The following ARMC10 variants were observed in gnomAD, a reference collection of about 807,000 sequenced individuals.
ARMC10 encodes armadillo repeat containing 10, also known as armadillo repeat-containing protein 10.
In ARMC10, 23 loss-of-function variants were observed where a neutral mutation model predicts 30.2. That is an observed-to-expected ratio of 0.76 (90% CI 0.55 to 1.08). The LOEUF is 1.08. ARMC10 is among the 50% of genes least tolerant of loss of function. The pLI is 0.00. For missense variants in ARMC10, 303 were observed against 413.7 expected, an observed-to-expected ratio of 0.73 and a Z score of 2.32; for synonymous variants, 111 against 164.4, an observed-to-expected ratio of 0.68 and a Z score of 2.48.
Position 103,075,423 on chromosome 7 carries a change from G to T in ARMC10, c.139+12G>T. ...TTCGAAGTCCGCAGGTGGGACCCCGGGGTTTCCGGCAGGTGGGCGGGGACT... is the reference window on the plus strand; with the variant it reads ...TTCGAAGTCCGCAGGTGGGACCCCGTGGTTTCCGGCAGGTGGGCGGGGACT... On this transcript the variant is annotated intron_variant, in intron 1 of 6. Coordinates refer to ENST00000323716, the MANE Select transcript of ARMC10 (RefSeq NM_031905.5). 1 of 1,290,264 alleles carries T rather than the reference G, an allele frequency of 7.8e-7. No individual in the cohort carries two copies. The highest frequency in any genetic ancestry group is 3.4e-5 in the South Asian group (1 of 29,396). 79.9% of individuals were successfully genotyped at this position (1,290,264 alleles called of 1,614,324 possible). A position where few individuals can be genotyped will look rare whatever the true frequency, so the allele number is the denominator to read the frequency against.
chr7:103,099,594 T>TGTGTGTGTGTGTGTGTC lies in ARMC10; in HGVS notation c.*1041_*1042insGTGTGTGTGTGTGTGTC. On this transcript the variant is annotated 3_prime_UTR_variant, in exon 7 of 7. Coordinates refer to ENST00000323716, the MANE Select transcript of ARMC10 (RefSeq NM_031905.5). ...GGATCCCGTGTGTGTGTGTGTGTGT[T>TGTGTGTGTGTGTGTGTC]TGAATGAAAAATGCTTATGTATTGA... is the stretch of plus-strand genomic sequence containing the variant. 4.2e-5 allele frequency: 1 copy of TGTGTGTGTGTGTGTGTC among 23,594 alleles called. No homozygotes were observed. Among genetic ancestry groups the TGTGTGTGTGTGTGTGTC allele is most frequent in the Non-Finnish European group, 2.2e-4 (1 of 4,636 alleles). The allele number at this position is 23,594 out of a possible 1,614,324, so 1.5% of individuals were successfully genotyped here. A position where few individuals can be genotyped will look rare whatever the true frequency, so the allele number is the denominator to read the frequency against.
In ARMC10 at chr7:103,084,689, A is replaced by G. The variant is rs181884491; in HGVS notation, c.393+859A>G. Among the ~76,000 whole-genome samples the G allele has an allele frequency of 2.4e-3, 371 of 152,208 alleles. 8 individuals are homozygous for G. Among genetic ancestry groups the G allele is most frequent in the Admixed American group, 0.024 (363 of 15,296 alleles). On this transcript the variant is annotated intron_variant, in intron 3 of 6. Coordinates refer to ENST00000323716, the MANE Select transcript of ARMC10 (RefSeq NM_031905.5). ...AGTTCCCAGAGTTCTCTCTTTCTCT[A>G]CCTTTTGGCTTTGCTTATGGCCGCT...
intron 3 of ARMC10, among the ~76,000 whole-genome samples, chr7:103,086,368 CTA>C (rs762353649): frequency 6.6e-6 from 1 of 152,132 alleles, no homozygotes; most frequent in East Asian, 1.9e-4. Flanking sequence ...TATAGTATCT[CTA>C]TAAATTTTTA....
At chr7:103,083,555 G>A in intron 2 of ARMC10, 127 bp from the exon 3 acceptor site, 1 of 784,672 alleles carries the variant, frequency 1.3e-6, no homozygotes, top group East Asian at 2.7e-5. Context: ...GAGCCCAGGA[G>A]ATCAAGGTTG....
At chr7:103,080,232 CT>C (rs1800255294) in intron 2 of ARMC10, among the ~76,000 whole-genome samples, 1 of 152,220 alleles carries the variant, frequency 6.6e-6, no homozygotes, top group South Asian at 2.1e-4. Flanking sequence ...CATTTCTTTA[CT>C]AAAAAGTTAT....
chr7:103,086,631 CTAT>C lies in ARMC10; in HGVS notation c.400_402del (p.Ile134del). The C allele has an allele frequency of 1.3e-6, 2 of 1,573,328 alleles. No individual in the cohort carries two copies. Among genetic ancestry groups the C allele is most frequent in the Non-Finnish European group, 1.7e-6 (2 of 1,169,174 alleles). ...TTTTTTTTTTTTTTCCCCTCGTAGG[CTAT>C]TATTCGTGAATTGGGTGGTATTCCA... On this transcript the variant is annotated inframe_deletion and splice_region_variant, in exon 4 of 7. Coordinates refer to ENST00000323716, the MANE Select transcript of ARMC10 (RefSeq NM_031905.5).
intron 3 of ARMC10, among the ~76,000 whole-genome samples, chr7:103,085,606 C>CTTCTTTT (rs1563322299): frequency 7.7e-6 from 1 of 130,586 alleles, no homozygotes. Flanking sequence ...CATTTCTCTT[C>CTTCTTTT]TTTTTTTTTT....
chr7:103,098,619 G>GGGGATTC lies in ARMC10; in HGVS notation c.*67_*73dup, dbSNP rs1801986294. 1 of 1,495,522 alleles carries GGGGATTC rather than the reference G, an allele frequency of 6.7e-7. No individual in the cohort carries two copies. Among genetic ancestry groups the GGGGATTC allele is most frequent in the African/African-American group, 1.4e-5 (1 of 71,208 alleles). The allele number at this position is 1,495,522 out of a possible 1,614,324, so 92.6% of individuals were successfully genotyped here. Reference sequence around the variant, plus strand: ...AACGTATTTTCTGTCTTCCTTATAAGGGGATTCTCCCAGCTGCTAAATTTA... The same window carrying GGGGATTC: ...AACGTATTTTCTGTCTTCCTTATAAGGGGATTCGGGATTCTCCCAGCTGCTAAATTTA... On this transcript the variant is annotated 3_prime_UTR_variant, in exon 7 of 7. Transcript: ENST00000323716.
intron 5 of ARMC10, chr7:103,096,479 A>C (rs1284815905): frequency 6.6e-6 from 1 of 152,234 alleles, no homozygotes; most frequent in Non-Finnish European, 1.5e-5. Flanking sequence ...TTGGTAACCA[A>C]ACAGTTCCAA....
chr7:103,080,740 A>G (rs1800309824), intron 2 of ARMC10, among the ~76,000 whole-genome samples: 1 of 151,338 alleles, frequency 6.6e-6, no homozygotes, highest in Non-Finnish European at 1.5e-5. Flanking sequence ...CAATTCTTCT[A>G]CCTCAGCCTC....
chr7:103,078,685 G>T (rs987466106), intron 2 of ARMC10, among the ~76,000 whole-genome samples: 1 of 149,878 alleles, frequency 6.7e-6, no homozygotes, highest in Non-Finnish European at 1.5e-5. Flanking sequence ...GTTTTTTTTT[G>T]AGACGGAGTC....
chr7:103,088,497 G>A (rs1460771850), intron 4 of ARMC10, among the ~76,000 whole-genome samples: 4 of 152,032 alleles, frequency 2.6e-5, no homozygotes, highest in African/African-American at 9.7e-5. Flanking sequence ...AAAAAATATT[G>A]CCAGCCATAA....
chr7:103,075,157 C>G lies in ARMC10; in HGVS notation c.-116C>G. The G allele has an allele frequency of 1.3e-5, 9 of 711,616 alleles. No homozygotes were observed. Among genetic ancestry groups the G allele is most frequent in the Non-Finnish European group, 1.6e-5 (9 of 553,390 alleles). The allele number at this position is 711,616 out of a possible 1,614,324, so 44.1% of individuals were successfully genotyped here. On this transcript the variant is annotated 5_prime_UTR_variant, in exon 1 of 7. It adds an upstream start codon to the 5' untranslated region. Transcript: ENST00000323716. ...CAGACCCCATTTCCTTTCTCCACAT[C>G]CAGGTCAGGTGGCGTTTGCTGTGGC... is the stretch of plus-strand genomic sequence containing the variant.
rs1459559463 is a variant in ARMC10, at chr7:103,083,825, A to G, written c.388A>G (p.Asn130Asp). Residue 130 changes from asparagine (N) to aspartate (D), a missense_variant, in exon 3 of 7, where the codon AAC (asparagine) becomes GAC (aspartate). By Grantham distance (23) the Asn-to-Asp change is conservative. Around this residue, in one of 4 missense-constraint regions of ARMC10, gnomAD observed 170 missense variants for 207.2 expected, o/e 0.82. Coordinates refer to ENST00000323716, the MANE Select transcript of ARMC10 (RefSeq NM_031905.5). The part of the protein sequence containing the change: ...TLGNNAAFSV[N>D]QAIIRELGGI... ...GGGTAACAATGCAGCCTTTTCAGTT[A>G]ACCAAGTAAGTACCTCAACTCAGCA... is the stretch of plus-strand genomic sequence containing the variant. The G allele has an allele frequency of 7.4e-6, 12 of 1,613,648 alleles. No individual in the cohort carries two copies. Among genetic ancestry groups the G allele is most frequent in the Non-Finnish European group, 9.3e-6 (11 of 1,179,848 alleles).
intron 6 of ARMC10, 37 bp downstream of exon 6, chr7:103,097,385 A>T: frequency 1.4e-6 from 2 of 1,395,514 alleles, no homozygotes; most frequent in African/African-American, 1.4e-5. Context: ...AAATATACAC[A>T]TATATACATT....
chr7:103,090,803 CAG>C lies in ARMC10; in HGVS notation c.529-1673_529-1672del, dbSNP rs139719980. On this transcript the variant is annotated intron_variant, in intron 4 of 6. Coordinates refer to ENST00000323716, the MANE Select transcript of ARMC10 (RefSeq NM_031905.5). Reference sequence around the variant, plus strand: ...ATCCCAGCTACTCAGGAGTCTGAGACAGGGGGAATTTGAGGCTGCAGTGAGCT... The same window carrying C: ...ATCCCAGCTACTCAGGAGTCTGAGACGGGGAATTTGAGGCTGCAGTGAGCT... Among the ~76,000 whole-genome samples the C allele has an allele frequency of 5.4e-3, 812 of 151,072 alleles. 5 individuals are homozygous for C. The highest frequency in any genetic ancestry group is 0.017 in the African/African-American group (687 of 40,820).
chr7:103,083,376 T>C (rs1044290841), intron 2 of ARMC10, among the ~76,000 whole-genome samples: 5 of 152,186 alleles, frequency 3.3e-5, no homozygotes, highest in African/African-American at 1.2e-4. Context: ...CCCACCACTT[T>C]GGGAGGCCAA....
chr7:103,089,596 T>C (rs903393113), intron 4 of ARMC10: 3 of 159,674 alleles, frequency 1.9e-5, no homozygotes, highest in Non-Finnish European at 4.2e-5. Context: ...TCACCAGCTT[T>C]TGTTCAGTTG....
At chr7:103,077,159 G>A (rs903956101) in intron 2 of ARMC10, among the ~76,000 whole-genome samples, 3 of 152,120 alleles carry the variant, frequency 2.0e-5, no homozygotes, top group African/African-American at 7.2e-5. Context: ...CCGAAGTGCT[G>A]GAATTACAGG....
Sources: gnomAD v4.1 joint callset for allele counts (sites outside exome capture counted in the v4.1 genomes callset) on GRCh38, gnomAD v4.1.1 for gene constraint, gnomAD v4.1.1 regional missense constraint, MANE v1.5 for transcripts, NCBI Gene and HGNC (gene_info 2026-07-23, HGNC 2026-07-21) for gene names.